Variants in KCNQ3 observed in about 807,000 individuals in gnomAD.
The protein encoded by KCNQ3 is potassium voltage-gated channel subfamily KQT member 3.
KCNQ3 carries 30 observed loss-of-function variants against 92.5 expected under a neutral mutation model. That is an observed-to-expected ratio of 0.32 (90% CI 0.24 to 0.44). The LOEUF is 0.44. KCNQ3 is among the 20% of genes least tolerant of loss of function. The probability of loss-of-function intolerance (pLI) is 1.00; values close to 1 mark genes in which losing one functional copy is unlikely to be tolerated. For missense variants in KCNQ3, 913 were observed against 1,140.3 expected (o/e 0.80, Z 2.87); for synonymous variants, 450 against 468.8 (o/e 0.96, Z 0.52).
chr8:132,249,189 T>C (rs1335797530), intron 1 of KCNQ3, among the ~76,000 whole-genome samples: 1 of 152,152 alleles, frequency 6.6e-6, no homozygotes, highest in African/African-American at 2.4e-5. Flanking sequence ...AGAACAAAGC[T>C]TCCACAGTGC....
intron 1 of KCNQ3, among the ~76,000 whole-genome samples, chr8:132,326,224 C>G (rs1254684206): frequency 6.6e-6 from 1 of 152,140 alleles, no homozygotes; most frequent in Non-Finnish European, 1.5e-5. Context: ...TACAAAACCA[C>G]TTCACAAAAC....
intron 13 of KCNQ3, 27 bp downstream of exon 13, chr8:132,134,263 C>A: frequency 6.4e-7 from 1 of 1,569,960 alleles, no homozygotes. Context: ...CACCCCTGGC[C>A]CATCAGTCCA....
chr8:132,466,396 T>G (rs528020810), intron 1 of KCNQ3, among the ~76,000 whole-genome samples: 66 of 152,004 alleles, frequency 4.3e-4, no homozygotes, highest in African/African-American at 1.5e-3. Context: ...TTCCCATACC[T>G]CCTCAGGACT....
At position 132,199,270 on chromosome 8, in the gene KCNQ3, G is replaced by A; in HGVS notation, c.387-13089C>T. On this transcript the variant is annotated intron_variant, in intron 1 of 14. Coordinates refer to ENST00000388996, the MANE Select transcript of KCNQ3 (RefSeq NM_004519.4). The stretch of plus-strand genomic sequence containing the variant: ...CCCCTAAATGTTGGGAAAATAAAAT[G>A]TAAAGTCATATTGTATTATATAATT... Among the ~76,000 whole-genome samples the A allele has an allele frequency of 1.3e-5, 2 of 152,154 alleles. 1 individual carries two copies. The highest frequency in any genetic ancestry group is 2.9e-5 in the Non-Finnish European group (2 of 68,022).
At chr8:132,394,064 CAA>C (rs1398630594) in intron 1 of KCNQ3, among the ~76,000 whole-genome samples, 1 of 152,190 alleles carries the variant, frequency 6.6e-6, no homozygotes. Flanking sequence ...AGCCAAATAC[CAA>C]CCACGTGCCA....
In KCNQ3 at chr8:132,174,335, G is replaced by A. The variant is rs142144538; in HGVS notation, c.948C>T (p.Thr316=). 1,447 of 1,551,784 alleles carry A rather than the reference G, an allele frequency of 9.3e-4. 15 individuals are homozygous for A. In the African/African-American group the frequency reaches 0.018, roughly 19 times the overall value. ...ALWWGLITLA[T]IGYGDKTPKT... ...TGGGTGTCTTGTCTCCATAGCCAAT[G>A]GTGGCCAGTGTGATCTGAAGAGAGA... The change falls in exon 6 of 15, where the codon ACC becomes ACT. Residue 316 remains threonine (T), a synonymous_variant. Coordinates refer to ENST00000388996, the MANE Select transcript of KCNQ3 (RefSeq NM_004519.4).
chr8:132,379,692 G>A (rs767822677), intron 1 of KCNQ3, among the ~76,000 whole-genome samples: 2 of 152,134 alleles, frequency 1.3e-5, no homozygotes, highest in Non-Finnish European at 2.9e-5. Flanking sequence ...CAAATAGAAC[G>A]TCCTTAATTT....
intron 1 of KCNQ3, among the ~76,000 whole-genome samples, chr8:132,222,872 C>G (rs1280875920): frequency 6.6e-6 from 1 of 152,170 alleles, no homozygotes; most frequent in Non-Finnish European, 1.5e-5. Context: ...AGATACATGA[C>G]TTCACAGATA....
At chr8:132,290,624 G>C (rs1361404974) in intron 1 of KCNQ3, among the ~76,000 whole-genome samples, 2 of 152,166 alleles carry the variant, frequency 1.3e-5, no homozygotes, top group Non-Finnish European at 2.9e-5. Flanking sequence ...TATGAAGATA[G>C]AGACAAGAGG....
chr8:132,461,367 C>T (rs761739108), intron 1 of KCNQ3, among the ~76,000 whole-genome samples: 1 of 152,022 alleles, frequency 6.6e-6, no homozygotes, highest in Non-Finnish European at 1.5e-5. Flanking sequence ...AGTTCGAGAC[C>T]GGCCTGGCCA....
chr8:132,409,603 C>T (rs1820593630), intron 1 of KCNQ3, among the ~76,000 whole-genome samples: 1 of 152,202 alleles, frequency 6.6e-6, no homozygotes, highest in Non-Finnish European at 1.5e-5. Flanking sequence ...GGGGACATCC[C>T]TCATCATCTA....
Position 132,145,853 on chromosome 8 carries a change from C to T in KCNQ3, c.1263-4522G>A, listed in dbSNP as rs191969678. The stretch of plus-strand genomic sequence containing the variant: ...ATCAAGGATTAAGATGATGGTGGTC[C>T]GGAGACAGAAGCTGAGATCTGAAAG... On this transcript the variant is annotated intron_variant, in intron 9 of 14. Transcript: ENST00000388996. Among the ~76,000 whole-genome samples the T allele has an allele frequency of 1.1e-3, 174 of 152,200 alleles. 1 individual carries two copies. The highest frequency in any genetic ancestry group is 1.3e-3 in the Non-Finnish European group (88 of 68,026).
At chr8:132,168,430 A>G (rs1826203226) in intron 8 of KCNQ3, among the ~76,000 whole-genome samples, 2 of 152,150 alleles carry the variant, frequency 1.3e-5, no homozygotes, top group South Asian at 4.1e-4. Flanking sequence ...TAACACATAC[A>G]AGGGGATCAA....
At chr8:132,210,617 G>A (rs1813820751) in intron 1 of KCNQ3, among the ~76,000 whole-genome samples, 1 of 152,186 alleles carries the variant, frequency 6.6e-6, no homozygotes, top group South Asian at 2.1e-4. Flanking sequence ...CAAAGTGTTG[G>A]CCAGGACTGG....
At chr8:132,131,374 GC>G (rs1035253271) in intron 14 of KCNQ3, among the ~76,000 whole-genome samples, 4 of 152,182 alleles carry the variant, frequency 2.6e-5, no homozygotes, top group African/African-American at 9.6e-5. Flanking sequence ...GCAAGAGTGA[GC>G]TGCATGGTGC....
chr8:132,423,757 G>A (rs201626996), intron 1 of KCNQ3, among the ~76,000 whole-genome samples: 9 of 152,212 alleles, frequency 5.9e-5, no homozygotes, highest in East Asian at 5.8e-4. Context: ...AGAGCCCCAC[G>A]CTCCTGACCT....
intron 1 of KCNQ3, among the ~76,000 whole-genome samples, chr8:132,285,846 G>A (rs1049254330): frequency 6.6e-6 from 1 of 152,186 alleles, no homozygotes; most frequent in African/African-American, 2.4e-5. Flanking sequence ...CCAACTGGCT[G>A]ACTGCCCAGG....
At chr8:132,188,321 T>G (rs565315428) in intron 1 of KCNQ3, among the ~76,000 whole-genome samples, 1 of 152,324 alleles carries the variant, frequency 6.6e-6, no homozygotes, top group East Asian at 1.9e-4. Context: ...CATTGGCCAG[T>G]CAAGCCCTTG....
chr8:132,312,162 C>T (rs1817612354), intron 1 of KCNQ3, among the ~76,000 whole-genome samples: 1 of 152,174 alleles, frequency 6.6e-6, no homozygotes, highest in Admixed American at 6.6e-5. Context: ...GACTTCTTGT[C>T]TCCAGAGCTG....
Sources: allele counts gnomAD v4.1 joint callset (sites outside exome capture counted in the v4.1 genomes callset), GRCh38; gene constraint gnomAD v4.1.1; transcripts MANE v1.5; gene names NCBI Gene and HGNC (gene_info 2026-07-23, HGNC 2026-07-21).